AFG1L: variants seen among roughly 807,000 people sequenced by gnomAD.
AFG1L encodes AFG1-like ATPase.
Under a neutral mutation model 62.2 loss-of-function variants are expected in AFG1L, and 53 were observed. That is an observed-to-expected ratio of 0.85 (90% CI 0.68 to 1.07). The LOEUF is 1.07. Ranked by LOEUF, AFG1L falls within the 50% of genes least tolerant of loss-of-function variation. The pLI is 0.00. For synonymous variants in AFG1L, 228 were observed against 210.3 expected, an observed-to-expected ratio of 1.08 and a Z score of -0.73; for missense variants, 555 against 590.5, an observed-to-expected ratio of 0.94 and a Z score of 0.62.
At chr6:108,361,653 T>C (rs1346713603) in intron 5 of AFG1L, among the ~76,000 whole-genome samples, 1 of 152,126 alleles carries the variant, frequency 6.6e-6, no homozygotes, top group African/African-American at 2.4e-5. Context: ...GCTTGAGCCA[T>C]TGGGTTCTAC....
At chr6:108,483,524 A>G (rs1183111478) in intron 10 of AFG1L, among the ~76,000 whole-genome samples, 2 of 152,200 alleles carry the variant, frequency 1.3e-5, no homozygotes, top group African/African-American at 4.8e-5. Context: ...CTAAATTCTA[A>G]AGGCTTAATG....
chr6:108,315,772 A>T (rs1777566511), intron 1 of AFG1L, among the ~76,000 whole-genome samples: 2 of 152,158 alleles, frequency 1.3e-5, no homozygotes, highest in Non-Finnish European at 2.9e-5. Flanking sequence ...CTTGGGCTGG[A>T]TGTGGTAGCT....
intron 10 of AFG1L, among the ~76,000 whole-genome samples, chr6:108,486,027 T>C (rs188883997): frequency 6.6e-6 from 1 of 152,222 alleles, no homozygotes; most frequent in Admixed American, 6.5e-5. Context: ...AATTATCTCA[T>C]TTGACTTTTA....
intron 6 of AFG1L, among the ~76,000 whole-genome samples, chr6:108,401,377 C>T (rs1781604692): frequency 1.3e-5 from 2 of 151,796 alleles, no homozygotes; most frequent in Non-Finnish European, 2.9e-5. Flanking sequence ...CTCCTGACCT[C>T]ATGATCCACC....
chr6:108,389,551 G>T (rs1267586487), intron 6 of AFG1L, among the ~76,000 whole-genome samples: 2 of 152,186 alleles, frequency 1.3e-5, no homozygotes, highest in African/African-American at 4.8e-5. Context: ...CTTCCTTCAG[G>T]AGCTCTTTTA....
chr6:108,397,278 C>A (rs1781358489), intron 6 of AFG1L, among the ~76,000 whole-genome samples: 1 of 152,206 alleles, frequency 6.6e-6, no homozygotes, highest in Admixed American at 6.5e-5. Flanking sequence ...CAGGCGTGTG[C>A]CACCACACCT....
At chr6:108,401,068 A>C (rs970111127) in intron 6 of AFG1L, among the ~76,000 whole-genome samples, 1 of 150,612 alleles carries the variant, frequency 6.6e-6, no homozygotes. Context: ...TCCCTGGTTC[A>C]AGTGATTCTC....
chr6:108,425,435 T>G (rs922199240), intron 7 of AFG1L, among the ~76,000 whole-genome samples: 2 of 152,116 alleles, frequency 1.3e-5, no homozygotes, highest in African/African-American at 4.8e-5. Flanking sequence ...TGTGTGTGTA[T>G]GTGTATACTC....
chr6:108,486,790 C>T (rs1005397081), intron 10 of AFG1L, among the ~76,000 whole-genome samples: 7 of 152,044 alleles, frequency 4.6e-5, no homozygotes, highest in Admixed American at 1.3e-4. Flanking sequence ...CTGCAACCTC[C>T]GCCTCCCAGA....
chr6:108,396,687 C>T (rs1404134852), intron 6 of AFG1L, among the ~76,000 whole-genome samples: 1 of 152,026 alleles, frequency 6.6e-6, no homozygotes, highest in Non-Finnish European at 1.5e-5. Flanking sequence ...GATGGAGTTT[C>T]ACCATGTTGG....
At chr6:108,326,392 T>C (rs933145047) in intron 2 of AFG1L, among the ~76,000 whole-genome samples, 1 of 152,110 alleles carries the variant, frequency 6.6e-6, no homozygotes, top group Non-Finnish European at 1.5e-5. Flanking sequence ...TTAGCGTGAG[T>C]GGGAGCTTAT....
At chr6:108,435,550 A>G (rs56383667) in intron 7 of AFG1L, among the ~76,000 whole-genome samples, 2,999 of 152,214 alleles carry the variant, frequency 0.02, 95 homozygotes, top group African/African-American at 0.068. Flanking sequence ...GCTGGGCATG[A>G]TGACACATGC....
chr6:108,496,407 G>A (rs1773976838), intron 10 of AFG1L, among the ~76,000 whole-genome samples: 1 of 152,168 alleles, frequency 6.6e-6, no homozygotes, highest in African/African-American at 2.4e-5. Context: ...TCCCTAGTCT[G>A]TGCTAGGTGC....
chr6:108,373,289 A>G lies in AFG1L; in HGVS notation c.748+6957A>G, dbSNP rs1049717081. 3.3e-5 allele frequency among the ~76,000 whole-genome samples: 5 copies of G among 152,228 alleles called. No individual in the cohort carries two copies. The East Asian group carries it at 9.7e-4, about 29-fold the overall frequency. On this transcript the variant is annotated intron_variant, in intron 6 of 12. Transcript: ENST00000368977. ...CCACTCATAAGTGAGAACATGTGGT[A>G]TATGGTTTTTTTGTTCCTGCATTAA...
intron 2 of AFG1L, among the ~76,000 whole-genome samples, chr6:108,338,117 T>A (rs373926229): frequency 6.6e-6 from 1 of 151,904 alleles, no homozygotes. Context: ...GCCCGGGAGG[T>A]CAAACCTGAA....
At chr6:108,440,610 G>T (rs1429170315) in intron 7 of AFG1L, among the ~76,000 whole-genome samples, 1 of 152,014 alleles carries the variant, frequency 6.6e-6, no homozygotes, top group African/African-American at 2.4e-5. Flanking sequence ...GGCTGAGGCA[G>T]GTGTTCAAGA....
intron 1 of AFG1L, among the ~76,000 whole-genome samples, chr6:108,312,949 T>C (rs1395938178): frequency 6.6e-6 from 1 of 152,148 alleles, no homozygotes; most frequent in African/African-American, 2.4e-5. Context: ...CCTCTCATGT[T>C]CTTAAGATGC....
rs569618245 is a variant in AFG1L at position 108,310,624 on chromosome 6, G to C, written c.140-13201G>C. Among the ~76,000 whole-genome samples, 22 of 147,534 alleles carry C rather than the reference G, an allele frequency of 1.5e-4. No homozygotes were observed. The South Asian group carries it at 4.7e-3, about 31-fold the overall frequency. ...GAGTCTTGCTCTGTCACCTAGGCTGGAGTACAGTGGGGTGATCTCAGCTCA... is the reference window on the plus strand; with the variant it reads ...GAGTCTTGCTCTGTCACCTAGGCTGCAGTACAGTGGGGTGATCTCAGCTCA... On this transcript the variant is annotated intron_variant, in intron 1 of 12. Transcript: ENST00000368977.
chr6:108,506,808 T>G (rs1038220127), intron 10 of AFG1L, among the ~76,000 whole-genome samples: 4 of 152,256 alleles, frequency 2.6e-5, no homozygotes, highest in Admixed American at 2.6e-4. Flanking sequence ...CCAAATATTT[T>G]GATTGGCAGT....
Sources: gnomAD v4.1 joint callset for allele counts (sites outside exome capture counted in the v4.1 genomes callset) on GRCh38, gnomAD v4.1.1 for gene constraint, MANE v1.5 for transcripts, NCBI Gene and HGNC (gene_info 2026-07-23, HGNC 2026-07-21) for gene names.